TLK2: variants seen among roughly 807,000 people sequenced by gnomAD.
TLK2 encodes serine/threonine-protein kinase tousled-like 2.
TLK2 carries 6 observed loss-of-function variants against 117.3 expected under a neutral mutation model. The observed-to-expected ratio is 0.05, with a 90% CI of 0.03 to 0.10. The LOEUF (loss-of-function observed/expected upper bound fraction) is 0.10. TLK2 is among the 10% of genes least tolerant of loss of function. The pLI is 1.00. For missense variants in TLK2, 299 were observed against 901.2 expected (o/e 0.33, Z 8.56); for synonymous variants, 257 against 316.7 (o/e 0.81, Z 2.00).
chr17:62,610,069 G>A (rs149653213), intron 21 of TLK2, among the ~76,000 whole-genome samples: 1 of 152,220 alleles, frequency 6.6e-6, no homozygotes. Flanking sequence ...TGAATACATT[G>A]TCTGGTAGAT....
intron 17 of TLK2, among the ~76,000 whole-genome samples, chr17:62,598,402 T>C (rs567074509): frequency 1.3e-5 from 2 of 152,382 alleles, no homozygotes; most frequent in East Asian, 3.9e-4. Flanking sequence ...GTTCTTCCTA[T>C]TGTATGTATG....
intron 7 of TLK2, among the ~76,000 whole-genome samples, chr17:62,547,630 A>G (rs1195881059): frequency 6.6e-6 from 1 of 152,194 alleles, no homozygotes; most frequent in Non-Finnish European, 1.5e-5. Flanking sequence ...TTACTTATCA[A>G]TGAGCTATTT....
At chr17:62,590,758 C>A (rs907674725) in intron 16 of TLK2, among the ~76,000 whole-genome samples, 17 of 152,218 alleles carry the variant, frequency 1.1e-4, no homozygotes, top group African/African-American at 4.1e-4. Context: ...GGATTACAGG[C>A]ATGAGCCACC....
At chr17:62,599,553 C>T (rs2082727148) in intron 17 of TLK2, among the ~76,000 whole-genome samples, 1 of 152,150 alleles carries the variant, frequency 6.6e-6, no homozygotes, top group East Asian at 1.9e-4. Context: ...CCTCCTCTCC[C>T]TCCCCGCAAT....
rs529876398 is a variant in TLK2, at chr17:62,523,276, G to A, written c.267+99G>A. ...ACCCTAAATCCTTGTGTTCATTTGA[G>A]GCTTTAGAAAGTAATATTTTGGCCA... is the stretch of plus-strand genomic sequence containing the variant. On this transcript the variant is annotated intron_variant, in intron 5 of 21. Coordinates refer to ENST00000346027, the MANE Select transcript of TLK2 (RefSeq NM_006852.6). 454 of 1,475,934 alleles carry A rather than the reference G, an allele frequency of 3.1e-4. 2 individuals are homozygous for A. In the South Asian group the frequency reaches 5.7e-3, roughly 18 times the overall value. The allele number at this position is 1,475,934 out of a possible 1,614,324, so 91.4% of individuals were successfully genotyped here. A position where few individuals can be genotyped will look rare whatever the true frequency, so the allele number is the denominator to read the frequency against.
chr17:62,534,733 C>A (rs1181960435), intron 6 of TLK2, among the ~76,000 whole-genome samples: 2 of 151,814 alleles, frequency 1.3e-5, no homozygotes, highest in Non-Finnish European at 2.9e-5. Flanking sequence ...CTAAAACTTT[C>A]ATAATAACGT....
At chr17:62,521,252 G>A (rs552702725) in intron 3 of TLK2, among the ~76,000 whole-genome samples, 1 of 152,280 alleles carries the variant, frequency 6.6e-6, no homozygotes, top group African/African-American at 2.4e-5. Flanking sequence ...CTTTGCATAC[G>A]TACAGTTATG....
At chr17:62,570,491 C>G (rs1359324783) in intron 11 of TLK2, among the ~76,000 whole-genome samples, 1 of 152,150 alleles carries the variant, frequency 6.6e-6, no homozygotes, top group South Asian at 2.1e-4. Flanking sequence ...GATTCCTGTT[C>G]TGTGAGAAGT....
intron 16 of TLK2, among the ~76,000 whole-genome samples, chr17:62,586,969 C>T (rs780256773): frequency 3.9e-5 from 6 of 152,058 alleles, no homozygotes; most frequent in Non-Finnish European, 7.4e-5. Flanking sequence ...TTGACTTGTT[C>T]AGCCTCTCTG....
At chr17:62,592,017 C>T (rs1249926114) in intron 16 of TLK2, among the ~76,000 whole-genome samples, 1 of 151,740 alleles carries the variant, frequency 6.6e-6, no homozygotes, top group African/African-American at 2.4e-5. Context: ...TGCAATGGCG[C>T]AATCTCAGCT....
chr17:62,495,167 C>CA lies in TLK2; in HGVS notation c.81+13970dup, dbSNP rs918279932. ...GGGTGACAGAGCAAGACCCTATCTC[C>CA]AAAAAAAAAGGAAACGATTACTGTA... On this transcript the variant is annotated intron_variant, in intron 2 of 21. Coordinates refer to ENST00000346027, the MANE Select transcript of TLK2 (RefSeq NM_006852.6). Among the ~76,000 whole-genome samples, 228 of 148,778 alleles carry CA rather than the reference C, an allele frequency of 1.5e-3. 2 individuals are homozygous for CA. Among genetic ancestry groups the CA allele is most frequent in the Non-Finnish European group, 1.6e-3 (109 of 67,004 alleles).
intron 6 of TLK2, among the ~76,000 whole-genome samples, chr17:62,528,314 T>C (rs1171850682): frequency 6.6e-6 from 1 of 152,188 alleles, no homozygotes; most frequent in Non-Finnish European, 1.5e-5. Context: ...ATATAAAAAA[T>C]AAAGTATGTA....
intron 11 of TLK2, among the ~76,000 whole-genome samples, chr17:62,565,781 G>T (rs11079481): frequency 0.51 from 77,720 of 151,916 alleles, 21,876 homozygotes; most frequent in East Asian, 0.81. Context: ...TTCATTAAGA[G>T]TCTATTGAGC....
chr17:62,581,413 T>C (rs1380075008), intron 15 of TLK2, among the ~76,000 whole-genome samples: 1 of 151,500 alleles, frequency 6.6e-6, no homozygotes, highest in Non-Finnish European at 1.5e-5. Context: ...AGTGCACTAC[T>C]CTACTGGTTT....
intron 2 of TLK2, among the ~76,000 whole-genome samples, chr17:62,489,662 T>C (rs1191409636): frequency 6.6e-6 from 1 of 152,192 alleles, no homozygotes; most frequent in Non-Finnish European, 1.5e-5. Context: ...TCTAGAGCAC[T>C]TTTAGGTTTA....
chr17:62,520,475 G>A (rs531241002), intron 2 of TLK2, among the ~76,000 whole-genome samples: 2 of 151,994 alleles, frequency 1.3e-5, no homozygotes, highest in South Asian at 4.2e-4. Flanking sequence ...TCAGGAGATC[G>A]AGACCAGCCT....
chr17:62,492,402 G>A, intron 2 of TLK2, among the ~76,000 whole-genome samples: 1 of 151,904 alleles, frequency 6.6e-6, no homozygotes, highest in South Asian at 2.1e-4. Context: ...AATAAGGATG[G>A]TGTCTGTTTT....
At chr17:62,489,823 T>A (rs145707565) in intron 2 of TLK2, among the ~76,000 whole-genome samples, 2 of 152,118 alleles carry the variant, frequency 1.3e-5, no homozygotes, top group Non-Finnish European at 2.9e-5. Flanking sequence ...CTGGCTTCCA[T>A]TGGGCTCTTT....
chr17:62,564,705 C>CT (rs1055112410), intron 10 of TLK2, among the ~76,000 whole-genome samples: 2 of 150,326 alleles, frequency 1.3e-5, no homozygotes, highest in African/African-American at 4.9e-5. Flanking sequence ...AAGACTCTGT[C>CT]TTAAAAAAAA....
Sources: allele counts gnomAD v4.1 joint callset (sites outside exome capture counted in the v4.1 genomes callset), GRCh38; gene constraint gnomAD v4.1.1; transcripts MANE v1.5; gene names NCBI Gene and HGNC (gene_info 2026-07-23, HGNC 2026-07-21).